Variants in FGFR2 observed in about 807,000 individuals in gnomAD.
The protein encoded by FGFR2 is fibroblast growth factor receptor 2, also known as BEK fibroblast growth factor receptor.
Under a neutral mutation model 95.9 loss-of-function variants are expected in FGFR2, and 19 were observed. The ratio of observed to expected loss-of-function variants is 0.20; its 90% CI spans 0.14 to 0.29. FGFR2 has a LOEUF of 0.29. FGFR2 is among the 10% of genes least tolerant of loss of function. The pLI, the probability that FGFR2 is intolerant of heterozygous loss-of-function variation, is 1.00. For missense variants in FGFR2, 707 were observed against 1,056.9 expected, an observed-to-expected ratio of 0.67 and a Z score of 4.59; for synonymous variants, 392 against 393.3, an observed-to-expected ratio of 1.00 and a Z score of 0.04.
intron 7 of FGFR2, among the ~76,000 whole-genome samples, chr10:121,519,596 T>TA (rs1286484528): frequency 1.3e-5 from 2 of 152,208 alleles, no homozygotes; most frequent in African/African-American, 4.8e-5. Context: ...GCCTTGAGCC[T>TA]ACAAAGCTCT....
chr10:121,537,816 G>C (rs546297903), intron 6 of FGFR2: 1 of 153,920 alleles, frequency 6.5e-6, no homozygotes, highest in Admixed American at 6.4e-5. Context: ...CTGCCATCCT[G>C]CAACAATGAA....
chr10:121,516,870 C>T (rs969733527), intron 8 of FGFR2, among the ~76,000 whole-genome samples: 2 of 152,190 alleles, frequency 1.3e-5, no homozygotes, highest in African/African-American at 4.8e-5. Flanking sequence ...GGTGCCGCTC[C>T]CCAGGCTCCT....
At chr10:121,582,794 G>GA (rs991270931) in intron 2 of FGFR2, among the ~76,000 whole-genome samples, 25 of 151,318 alleles carry the variant, frequency 1.7e-4, no homozygotes, top group Admixed American at 4.6e-4. Context: ...CACAAAAAAA[G>GA]AAAAAAAAGA....
intron 13 of FGFR2, among the ~76,000 whole-genome samples, chr10:121,489,588 G>C (rs1008327595): frequency 3.9e-5 from 6 of 152,118 alleles, no homozygotes; most frequent in Admixed American, 3.9e-4. Context: ...CCTCCCTCCT[G>C]AGACCCATGT....
chr10:121,498,399 T>TGC, intron 12 of FGFR2, 96 bp downstream of exon 12: 1 of 815,268 alleles, frequency 1.2e-6, no homozygotes, highest in Admixed American at 1.8e-5. Flanking sequence ...GCACACAGGG[T>TGC]GCTCTGGGAG....
chr10:121,522,931 G>A (rs979460951), intron 6 of FGFR2, among the ~76,000 whole-genome samples: 1 of 152,202 alleles, frequency 6.6e-6, no homozygotes, highest in Non-Finnish European at 1.5e-5. Flanking sequence ...GAATCACCAT[G>A]CACTGGGCTG....
intron 5 of FGFR2, among the ~76,000 whole-genome samples, chr10:121,540,556 A>G (rs41295497): frequency 0.025 from 3,819 of 152,238 alleles, 163 homozygotes; most frequent in African/African-American, 0.084. Context: ...TGGGACACAT[A>G]GGTATAAGCT....
In FGFR2 at chr10:121,573,955, G is replaced by A. The variant is rs114651815; in HGVS notation, c.110-8251C>T. Among the ~76,000 whole-genome samples, 526 of 152,256 alleles carry A rather than the reference G, an allele frequency of 3.5e-3. 4 individuals carry two copies. The highest frequency in any genetic ancestry group is 0.011 in the African/African-American group (469 of 41,538). On this transcript the variant is annotated intron_variant, in intron 2 of 17. Coordinates refer to ENST00000358487, the MANE Select transcript of FGFR2 (RefSeq NM_000141.5). Reference sequence around the variant, plus strand: ...GAAACACAGTCCGGCTGCAAATGTCGCTACATAGTCACTGCACACAAAGCA... The same window carrying A: ...GAAACACAGTCCGGCTGCAAATGTCACTACATAGTCACTGCACACAAAGCA...
Position 121,479,145 on chromosome 10 carries a change from T to C in FGFR2, c.*712A>G, listed in dbSNP as rs1334667434. The stretch of plus-strand genomic sequence containing the variant: ...CTGATAACTAGTTAAGTCCAAGCAA[T>C]AGATTAACTAGTCTGCTGTGCTGCC... On this transcript the variant is annotated 3_prime_UTR_variant, in exon 18 of 18. Transcript: ENST00000358487. The C allele has an allele frequency of 8.6e-6, 2 of 232,674 alleles. No individual in the cohort carries two copies. The highest frequency in any genetic ancestry group is 6.1e-5 in the East Asian group (1 of 16,370). The allele number at this position is 232,674 out of a possible 1,614,324, so 14.4% of individuals were successfully genotyped here. A position where few individuals can be genotyped will look rare whatever the true frequency, so the allele number is the denominator to read the frequency against.
intron 6 of FGFR2, among the ~76,000 whole-genome samples, chr10:121,534,393 G>A (rs1247156784): frequency 2.0e-5 from 3 of 147,768 alleles, no homozygotes; most frequent in Non-Finnish European, 3.0e-5. Flanking sequence ...CACCGCGCCC[G>A]GCTTTCTTTT....
intron 2 of FGFR2, among the ~76,000 whole-genome samples, chr10:121,579,663 C>T (rs1320483448): frequency 6.6e-6 from 1 of 152,166 alleles, no homozygotes; most frequent in Non-Finnish European, 1.5e-5. Flanking sequence ...CACAGTAACA[C>T]ACCACAGAAT....
chr10:121,535,955 T>C (rs1589896029), intron 6 of FGFR2, among the ~76,000 whole-genome samples: 1 of 152,328 alleles, frequency 6.6e-6, no homozygotes, highest in South Asian at 2.1e-4. Flanking sequence ...CCACAATCTA[T>C]GTATCATAGA....
chr10:121,546,866 T>C (rs1258476374), intron 5 of FGFR2, among the ~76,000 whole-genome samples: 1 of 152,224 alleles, frequency 6.6e-6, no homozygotes, highest in Non-Finnish European at 1.5e-5. Context: ...AAGAAGTTTT[T>C]CAGGTATTTG....
At chr10:121,584,138 A>G (rs1344495672) in intron 2 of FGFR2, among the ~76,000 whole-genome samples, 1 of 151,912 alleles carries the variant, frequency 6.6e-6, no homozygotes, top group Non-Finnish European at 1.5e-5. Context: ...TAGGGGTATC[A>G]TGTGCAAATG....
In FGFR2 at chr10:121,485,102, AG is replaced by A. The variant is rs41294223; in HGVS notation, c.2195+292del. Among the ~76,000 whole-genome samples, 117 of 152,268 alleles carry A rather than the reference AG, an allele frequency of 7.7e-4. No individual in the cohort carries two copies. Among genetic ancestry groups the A allele is most frequent in the African/African-American group, 2.6e-3 (109 of 41,562 alleles). On this transcript the variant is annotated intron_variant, in intron 16 of 17. Transcript: ENST00000358487. The surrounding 1 kb of genome is among the most constrained non-coding windows in gnomAD (Gnocchi z 4.2). The stretch of plus-strand genomic sequence containing the variant: ...CGCAGAAGGTGCAGCACAGTGGCCC[AG>A]GAAGACCACTCCTGCTGGCTCTGCA...
rs1417589533 is a variant in FGFR2 at position 121,478,721 on chromosome 10, TC to T, written c.*1135del. 1 of 233,442 alleles carries T rather than the reference TC, an allele frequency of 4.3e-6. No homozygotes were observed. The highest frequency in any genetic ancestry group is 2.2e-5 in the African/African-American group (1 of 45,320). 14.5% of individuals were successfully genotyped at this position (233,442 alleles called of 1,614,324 possible). ...GGACTTGAAGATCCTAACAGGCGTC[TC>T]CAACGCCAAAGAGTCTGGAAGCCAT... On this transcript the variant is annotated 3_prime_UTR_variant, in exon 18 of 18. Transcript: ENST00000358487.
intron 6 of FGFR2, among the ~76,000 whole-genome samples, chr10:121,522,615 T>C (rs565076492): frequency 6.6e-6 from 1 of 152,056 alleles, no homozygotes; most frequent in Non-Finnish European, 1.5e-5. Flanking sequence ...CTTGCAACAA[T>C]AAAATGAAAT....
At chr10:121,487,272 A>C in intron 15 of FGFR2, 82 bp downstream of exon 15, 1 of 1,123,204 alleles carries the variant, frequency 8.9e-7, no homozygotes, top group Non-Finnish European at 1.4e-6. Context: ...AGCAGCCACT[A>C]AAGAAGGAAG....
chr10:121,500,726 C>CTGACCCCGTGCCA, intron 11 of FGFR2, 100 bp downstream of exon 11: 1 of 1,539,258 alleles, frequency 6.5e-7, no homozygotes, highest in Admixed American at 1.7e-5. Flanking sequence ...TATGTGCTCT[C>CTGACCCCGTGCCA]TGACCCCGTG....
Sources: allele counts gnomAD v4.1 joint callset (sites outside exome capture counted in the v4.1 genomes callset), GRCh38; gene constraint gnomAD v4.1.1; non-coding constraint Gnocchi (gnomAD v3.1); transcripts MANE v1.5; gene names NCBI Gene and HGNC (gene_info 2026-07-23, HGNC 2026-07-21).